PANK2: variants seen among roughly 807,000 people sequenced by gnomAD.
PANK2 encodes the protein pantothenate kinase 2.
In PANK2, 36 loss-of-function variants were observed where a neutral mutation model predicts 43.1. The ratio of observed to expected loss-of-function variants is 0.84; its 90% CI spans 0.64 to 1.10. PANK2 has a LOEUF of 1.10. Ranked by LOEUF, PANK2 falls within the 50% of genes least tolerant of loss-of-function variation. PANK2 has a pLI of 0.00. For synonymous variants in PANK2, 281 were observed against 238.2 expected, an observed-to-expected ratio of 1.18 and a Z score of -1.66; for missense variants, 576 against 593.3, an observed-to-expected ratio of 0.97 and a Z score of 0.30.
intron 5 of PANK2, chr20:3,917,590 GA>G: frequency 2.0e-6 from 1 of 512,542 alleles, no homozygotes; most frequent in Non-Finnish European, 4.1e-6. Flanking sequence ...CTGCCCTTGG[GA>G]AAAGAGGATC....
At chr20:3,888,980 G>C, upstream of PANK2, 3 of 754,524 alleles carry the variant, frequency 4.0e-6, no homozygotes, top group Admixed American at 3.1e-5. Flanking sequence ...TGGGCTGGAG[G>C]AGGGCTCGAG....
intron 4 of PANK2, among the ~76,000 whole-genome samples, chr20:3,916,031 A>T (rs1402470454): frequency 6.6e-6 from 1 of 152,202 alleles, no homozygotes; most frequent in Non-Finnish European, 1.5e-5. Context: ...TTTAATAGAG[A>T]TTACATTGAA....
intron 1 of PANK2, among the ~76,000 whole-genome samples, chr20:3,902,574 T>G (rs2090318832): frequency 8.4e-6 from 1 of 119,546 alleles, no homozygotes; most frequent in South Asian, 2.8e-4. Context: ...CCACCGCACC[T>G]GGCCTAGTTT....
At chr20:3,913,787 TA>T (rs2090509142) in intron 4 of PANK2, among the ~76,000 whole-genome samples, 1 of 131,806 alleles carries the variant, frequency 7.6e-6, no homozygotes, top group African/African-American at 2.9e-5. Context: ...TATATATATA[TA>T]TATTTTTTTT....
chr20:3,922,071 G>A (rs2090655744), intron 6 of PANK2, among the ~76,000 whole-genome samples: 1 of 152,150 alleles, frequency 6.6e-6, no homozygotes, highest in South Asian at 2.1e-4. Flanking sequence ...CCTCTCGTTT[G>A]ATCAGGTTTC....
chr20:3,890,738 A>G (rs142638170), intron 1 of PANK2, among the ~76,000 whole-genome samples: 10 of 152,262 alleles, frequency 6.6e-5, no homozygotes, highest in Admixed American at 5.2e-4. Flanking sequence ...CAGTCACCCA[A>G]CTGCTTTTTT....
intron 4 of PANK2, among the ~76,000 whole-genome samples, chr20:3,914,858 C>T (rs979945654): frequency 1.3e-5 from 2 of 152,196 alleles, no homozygotes; most frequent in South Asian, 4.1e-4. Flanking sequence ...GATCCACCCA[C>T]CTTGGCCTCC....
At position 3,907,935 on chromosome 20, in the gene PANK2, G is replaced by A. The variant is rs1350217989; in HGVS notation, c.308G>A (p.Trp103Ter). 3.7e-6 allele frequency: 6 copies of A among 1,613,918 alleles called. No homozygotes were observed. In the Admixed American group the frequency reaches 8.3e-5, roughly 22 times the overall value. ...TTTCTTCCCCATTTAGTTTTTCCATGGTTTGGACTGGATATCGGTGGAACT... is the reference window on the plus strand; with the variant it reads ...TTTCTTCCCCATTTAGTTTTTCCATAGTTTGGACTGGATATCGGTGGAACT... The change falls in exon 2 of 7, where the codon TGG becomes TAG. Residue 103 changes from tryptophan (W) to a stop codon, truncating the protein, a stop_gained. Coordinates refer to ENST00000610179, the MANE Select transcript of PANK2 (RefSeq NM_001386393.1). LOFTEE classifies it high-confidence loss of function.
At chr20:3,916,107 G>A (rs1162471603) in intron 4 of PANK2, among the ~76,000 whole-genome samples, 3 of 152,174 alleles carry the variant, frequency 2.0e-5, no homozygotes, top group Non-Finnish European at 4.4e-5. Context: ...CATTGATTTA[G>A]ATCTTTGCTT....
Position 3,926,154 on chromosome 20 carries a change from A to C in PANK2, c.*2860A>C, listed in dbSNP as rs1303722111. On this transcript the variant is annotated 3_prime_UTR_variant, in exon 7 of 7. Coordinates refer to ENST00000610179, the MANE Select transcript of PANK2 (RefSeq NM_001386393.1). ...GGAGGGAGGAGAGATACAAGAGGGC[A>C]CCTGGGCTCATTTGTGGACTACGTG... The C allele has an allele frequency of 6.6e-6, 1 of 152,340 alleles. No homozygotes were observed. The highest frequency in any genetic ancestry group is 2.4e-5 in the African/African-American group (1 of 41,412). The allele number at this position is 152,340 out of a possible 1,614,324, so 9.4% of individuals were successfully genotyped here.
At chr20:3,890,620 G>T (rs1192445793) in intron 1 of PANK2, among the ~76,000 whole-genome samples, 3 of 152,186 alleles carry the variant, frequency 2.0e-5, no homozygotes, top group Non-Finnish European at 4.4e-5. Flanking sequence ...TTTGGTGGGT[G>T]TTGCCAGATT....
rs940223761 is a variant in PANK2 at position 3,900,361 on chromosome 20, A to G, written c.299-7565A>G. Among the ~76,000 whole-genome samples, 18 of 151,794 alleles carry G rather than the reference A, an allele frequency of 1.2e-4. 2 individuals are homozygous for G. The highest frequency in any genetic ancestry group is 1.1e-3 in the Admixed American group (16 of 15,100). On this transcript the variant is annotated intron_variant, in intron 1 of 6. Coordinates refer to ENST00000610179, the MANE Select transcript of PANK2 (RefSeq NM_001386393.1). ...TGTAATGTGAGCATAGCTCTTTGCCAAATGAAACACTGGTCTTGAAACAAG... is the reference window on the plus strand; with the variant it reads ...TGTAATGTGAGCATAGCTCTTTGCCGAATGAAACACTGGTCTTGAAACAAG...
chr20:3,925,822 A>G lies in PANK2; in HGVS notation c.*2528A>G, dbSNP rs2090712165. ...CCCCGAGACACTGCCTTCTCTCTGC[A>G]TTTGTTGATCTCTGTGCAGCAGTGC... On this transcript the variant is annotated 3_prime_UTR_variant, in exon 7 of 7. Coordinates refer to ENST00000610179, the MANE Select transcript of PANK2 (RefSeq NM_001386393.1). 6.6e-6 allele frequency: 1 copy of G among 152,036 alleles called. No homozygotes were observed. Among genetic ancestry groups the G allele is most frequent in the Admixed American group, 6.6e-5 (1 of 15,250 alleles). 9.4% of individuals were successfully genotyped at this position (152,036 alleles called of 1,614,324 possible). A position where few individuals can be genotyped will look rare whatever the true frequency, so the allele number is the denominator to read the frequency against.
chr20:3,907,859 A>G (rs535325949), intron 1 of PANK2, 67 bp from the exon 2 acceptor site: 159 of 1,366,150 alleles, frequency 1.2e-4, no homozygotes, highest in Non-Finnish European at 1.4e-4. Flanking sequence ...ATAAGTTGCT[A>G]CTGTGGTAAG....
Position 3,915,684 on chromosome 20 carries a change from T to C in PANK2, c.1083-1243T>C, listed in dbSNP as rs71647843. 9.0e-3 allele frequency among the ~76,000 whole-genome samples: 1,377 copies of C among 152,328 alleles called. 23 individuals carry two copies. Among genetic ancestry groups the C allele is most frequent in the African/African-American group, 0.031 (1,309 of 41,572 alleles). ...TGAGGTAGAGCTCCAAGTTCATTTC[T>C]TTTTGCGTGTGGATATCCAGTTGTC... On this transcript the variant is annotated intron_variant, in intron 4 of 6. Coordinates refer to ENST00000610179, the MANE Select transcript of PANK2 (RefSeq NM_001386393.1).
intron 2 of PANK2, 152 bp from the exon 3 acceptor site, chr20:3,910,425 T>C (rs1163617678): frequency 4.7e-6 from 4 of 853,022 alleles, no homozygotes; most frequent in Non-Finnish European, 7.5e-6. Context: ...CTAGGTTTGC[T>C]CCTAAATCTG....
upstream of PANK2, chr20:3,889,013 C>CGG (rs1417804736): frequency 7.9e-5 from 85 of 1,078,196 alleles, no homozygotes; most frequent in Non-Finnish European, 1.1e-4. Context: ...CACGGAGCAG[C>CGG]GGGGTGGGAC....
rs1408533533 is a variant in PANK2, at chr20:3,924,384, G to C, written c.*1090G>C. Reference sequence around the variant, plus strand: ...GGAGGGAAAACCCCAAGGCTCTGCAGCCTCCCTGCTCCCCTCCGTTTAAGG... The same window carrying C: ...GGAGGGAAAACCCCAAGGCTCTGCACCCTCCCTGCTCCCCTCCGTTTAAGG... On this transcript the variant is annotated 3_prime_UTR_variant, in exon 7 of 7. Coordinates refer to ENST00000610179, the MANE Select transcript of PANK2 (RefSeq NM_001386393.1). The C allele has an allele frequency of 6.6e-6, 1 of 152,278 alleles. No homozygotes were observed. The highest frequency in any genetic ancestry group is 1.5e-5 in the Non-Finnish European group (1 of 68,100). 9.4% of individuals were successfully genotyped at this position (152,278 alleles called of 1,614,324 possible). A position where few individuals can be genotyped will look rare whatever the true frequency, so the allele number is the denominator to read the frequency against.
At chr20:3,918,425 G>A (rs1254747473) in intron 5 of PANK2, among the ~76,000 whole-genome samples, 1 of 151,778 alleles carries the variant, frequency 6.6e-6, no homozygotes, top group African/African-American at 2.4e-5. Context: ...GTTATTGTTG[G>A]TCAGATTTAA....
Sources: allele counts gnomAD v4.1 joint callset (sites outside exome capture counted in the v4.1 genomes callset), GRCh38; gene constraint gnomAD v4.1.1; transcripts MANE v1.5; gene names NCBI Gene and HGNC (gene_info 2026-07-23, HGNC 2026-07-21).